Variants in CPQ observed in about 807,000 individuals in gnomAD.
The protein encoded by CPQ is Ser-Met dipeptidase.
Under a neutral mutation model 45.7 loss-of-function variants are expected in CPQ, and 37 were observed. The observed-to-expected ratio is 0.81, with a 90% CI of 0.62 to 1.07. The LOEUF is 1.07. Ranked by LOEUF, CPQ falls within the 50% of genes least tolerant of loss-of-function variation. The probability of loss-of-function intolerance (pLI) is 0.00; values close to 1 mark genes in which losing one functional copy is unlikely to be tolerated. For synonymous variants in CPQ, 186 were observed against 205.8 expected (o/e 0.90, Z 0.82); for missense variants, 537 against 572.9 (o/e 0.94, Z 0.64).
intron 5 of CPQ, among the ~76,000 whole-genome samples, chr8:96,995,022 C>T (rs140823584): frequency 1.9e-4 from 29 of 151,880 alleles, no homozygotes; most frequent in African/African-American, 6.8e-4. Flanking sequence ...GAGGCATACT[C>T]GAAAGAGGTT....
intron 4 of CPQ, among the ~76,000 whole-genome samples, chr8:96,896,855 C>T (rs1244512583): frequency 1.3e-5 from 2 of 152,168 alleles, no homozygotes; most frequent in African/African-American, 4.8e-5. Flanking sequence ...ATGCCTTCTG[C>T]ACCAGCAGAA....
chr8:97,062,614 C>T (rs1352695980), intron 6 of CPQ, among the ~76,000 whole-genome samples: 3 of 152,104 alleles, frequency 2.0e-5, no homozygotes, highest in African/African-American at 7.2e-5. Flanking sequence ...TCCTGATCTT[C>T]TCCCTCCTTC....
chr8:96,912,839 C>T (rs1812685629), intron 4 of CPQ, among the ~76,000 whole-genome samples: 1 of 152,198 alleles, frequency 6.6e-6, no homozygotes, highest in Admixed American at 6.5e-5. Flanking sequence ...AACTTCCTCT[C>T]TATCTCTAAA....
chr8:96,790,361 C>A (rs2130813809), intron 2 of CPQ, among the ~76,000 whole-genome samples: 1 of 152,164 alleles, frequency 6.6e-6, no homozygotes, highest in Middle Eastern at 3.4e-3. Context: ...AGTATGGGAC[C>A]ACCTCCTATG....
chr8:96,737,245 AC>A lies in CPQ; in HGVS notation c.-34-47618del, dbSNP rs1460914216. Among the ~76,000 whole-genome samples the A allele has an allele frequency of 1.3e-3, 187 of 143,812 alleles. 2 individuals carry two copies. Among genetic ancestry groups the A allele is most frequent in the African/African-American group, 4.7e-3 (172 of 36,776 alleles). The allele number at this position is 143,812 out of a possible 152,430, so 94.3% of individuals were successfully genotyped here. A position where few individuals can be genotyped will look rare whatever the true frequency, so the allele number is the denominator to read the frequency against. ...ACTAATAAGATACACACACACACACACACACACACAAAAAAAAACTAATAGG... is the reference window on the plus strand; with the variant it reads ...ACTAATAAGATACACACACACACACAACACACACAAAAAAAAACTAATAGG... On this transcript the variant is annotated intron_variant, in intron 1 of 7. Transcript: ENST00000220763.
At chr8:96,771,511 A>G (rs1810543235) in intron 1 of CPQ, among the ~76,000 whole-genome samples, 1 of 152,046 alleles carries the variant, frequency 6.6e-6, no homozygotes, top group Non-Finnish European at 1.5e-5. Context: ...ATCCCCCATC[A>G]TGTGAAAAAT....
At chr8:96,876,359 AG>A (rs1243891198) in intron 3 of CPQ, among the ~76,000 whole-genome samples, 1 of 152,142 alleles carries the variant, frequency 6.6e-6, no homozygotes, top group Non-Finnish European at 1.5e-5. Flanking sequence ...TCAAAAAAAA[AG>A]ATCATGTCAT....
chr8:96,880,112 A>C (rs1177593505), intron 4 of CPQ, 107 bp downstream of exon 4: 1 of 934,710 alleles, frequency 1.1e-6, no homozygotes, highest in Non-Finnish European at 1.7e-6. Context: ...GATGGTCCTC[A>C]TAGATTCGTT....
At chr8:96,819,514 A>G (rs1359617085) in intron 2 of CPQ, among the ~76,000 whole-genome samples, 6 of 152,088 alleles carry the variant, frequency 3.9e-5, no homozygotes, top group Admixed American at 3.9e-4. Flanking sequence ...TTTCCCTTGA[A>G]ACTTTTGTAA....
intron 1 of CPQ, among the ~76,000 whole-genome samples, chr8:96,766,104 A>G (rs1340528102): frequency 1.3e-5 from 2 of 152,180 alleles, no homozygotes; most frequent in Admixed American, 1.3e-4. Flanking sequence ...AAATCACTCA[A>G]ATTCTCTGAC....
intron 4 of CPQ, among the ~76,000 whole-genome samples, chr8:96,913,766 C>T (rs1812697614): frequency 2.6e-5 from 4 of 152,150 alleles, no homozygotes. Context: ...TAAAGTCTTG[C>T]CTATTGCTGA....
chr8:96,910,597 T>C (rs1390295902), intron 4 of CPQ, among the ~76,000 whole-genome samples: 2 of 152,244 alleles, frequency 1.3e-5, no homozygotes, highest in Non-Finnish European at 1.5e-5. Flanking sequence ...CTCCGCCTCC[T>C]GGGTTCATGC....
chr8:96,796,136 A>G (rs912450696), intron 2 of CPQ, among the ~76,000 whole-genome samples: 1 of 152,022 alleles, frequency 6.6e-6, no homozygotes, highest in African/African-American at 2.4e-5. Flanking sequence ...TTAGCAGTGT[A>G]TCTTCAAAAC....
intron 1 of CPQ, among the ~76,000 whole-genome samples, chr8:96,647,172 A>G (rs1815528319): frequency 6.6e-6 from 1 of 152,188 alleles, no homozygotes; most frequent in African/African-American, 2.4e-5. Flanking sequence ...ACATATTTAA[A>G]TATTTTTGCA....
rs79721734 is a variant in CPQ, at chr8:96,973,397, C to T, written c.961+7351C>T. On this transcript the variant is annotated intron_variant, in intron 5 of 7. Coordinates refer to ENST00000220763, the MANE Select transcript of CPQ (RefSeq NM_016134.4). ...TTAAACATCCAAACCTAAAAATAAT[C>T]GGCGTTCTCAAGGAAGAAGAGAAAT... Among the ~76,000 whole-genome samples the T allele has an allele frequency of 8.0e-3, 1,213 of 152,140 alleles. 12 individuals are homozygous for T. The highest frequency in any genetic ancestry group is 0.012 in the Non-Finnish European group (791 of 67,998).
chr8:97,079,592 C>A (rs968674732), intron 7 of CPQ, among the ~76,000 whole-genome samples: 1 of 152,088 alleles, frequency 6.6e-6, no homozygotes, highest in Non-Finnish European at 1.5e-5. Context: ...CTGTTTTACT[C>A]CCGTGTCACA....
intron 1 of CPQ, among the ~76,000 whole-genome samples, chr8:96,722,644 A>G (rs184255883): frequency 2.0e-5 from 3 of 152,334 alleles, no homozygotes; most frequent in African/African-American, 7.2e-5. Flanking sequence ...GTGATATACT[A>G]GGCTAGTCTG....
At chr8:97,073,941 C>T (rs879825240) in intron 7 of CPQ, among the ~76,000 whole-genome samples, 2 of 152,168 alleles carry the variant, frequency 1.3e-5, no homozygotes, top group Admixed American at 6.6e-5. Flanking sequence ...AATTGTTCAT[C>T]AGAACATCTT....
chr8:97,114,909 T>C (rs34297447), intron 7 of CPQ, among the ~76,000 whole-genome samples: 13,224 of 152,272 alleles, frequency 0.087, 683 homozygotes, highest in Non-Finnish European at 0.1. Flanking sequence ...TTTCCCTGTA[T>C]TGTTTGCTGA....
Sources: allele counts gnomAD v4.1 joint callset (sites outside exome capture counted in the v4.1 genomes callset), GRCh38; gene constraint gnomAD v4.1.1; transcripts MANE v1.5; gene names NCBI Gene and HGNC (gene_info 2026-07-23, HGNC 2026-07-21).